Variants in HAUS6 observed in about 807,000 individuals in gnomAD.
HAUS6 encodes the protein HAUS augmin like complex subunit 6, also known as HAUS augmin-like complex subunit 6.
A neutral mutation model predicts 106.8 loss-of-function variants in HAUS6; 80 were observed. That is an observed-to-expected ratio of 0.75 (90% confidence interval 0.63 to 0.90). The LOEUF is 0.90. Among genes scored for constraint, HAUS6 ranks in the 40% least tolerant of loss-of-function variants. The pLI is 0.00. For missense variants in HAUS6, 1,155 were observed against 1,118.1 expected, an observed-to-expected ratio of 1.03 and a Z score of -0.47; for synonymous variants, 356 against 379.1, an observed-to-expected ratio of 0.94 and a Z score of 0.71.
rs1419610932 is a variant in HAUS6 at position 19,053,991 on chromosome 9, A to C, written c.*2352T>G. ...AAATCAATTCGTGGGATATTAAATG[A>C]ATAAAAAGATAAACCATAGGAGATT... is the stretch of plus-strand genomic sequence containing the variant. On this transcript the variant is annotated 3_prime_UTR_variant, in exon 17 of 17. Transcript: ENST00000380502. 2.0e-5 allele frequency: 3 copies of C among 152,192 alleles called. No homozygotes were observed. Among genetic ancestry groups the C allele is most frequent in the African/African-American group, 7.2e-5 (3 of 41,450 alleles). 9.4% of individuals were successfully genotyped at this position (152,192 alleles called of 1,614,324 possible).
At chr9:19,070,607 C>T (rs1198076897) in intron 11 of HAUS6, among the ~76,000 whole-genome samples, 1 of 152,130 alleles carries the variant, frequency 6.6e-6, no homozygotes, top group Non-Finnish European at 1.5e-5. Flanking sequence ...ATGAGATTAT[C>T]ACAAAAGCCA....
At chr9:19,067,913 C>T (rs1369848926) in intron 12 of HAUS6, among the ~76,000 whole-genome samples, 2 of 151,854 alleles carry the variant, frequency 1.3e-5, no homozygotes, top group Non-Finnish European at 2.9e-5. Flanking sequence ...AGGCTAGTCT[C>T]GAACTCCTGA....
At chr9:19,063,990 G>A (rs1400454704) in intron 12 of HAUS6, among the ~76,000 whole-genome samples, 11 of 144,116 alleles carry the variant, frequency 7.6e-5, no homozygotes, top group Non-Finnish European at 1.1e-4. Context: ...TTTTTGAGAC[G>A]GAGTTTCGCT....
intron 7 of HAUS6, among the ~76,000 whole-genome samples, chr9:19,083,672 G>A (rs1564016499): frequency 6.6e-6 from 1 of 151,678 alleles, no homozygotes; most frequent in African/African-American, 2.4e-5. Flanking sequence ...CGTGGTGGCA[G>A]GTGCCTGTAA....
intron 11 of HAUS6, among the ~76,000 whole-genome samples, chr9:19,076,142 T>G (rs1401905845): frequency 6.6e-6 from 1 of 151,648 alleles, no homozygotes; most frequent in Non-Finnish European, 1.5e-5. Context: ...GGTCAATCAT[T>G]TGAGCCCAGG....
chr9:19,099,724 T>C (rs1250156557), intron 1 of HAUS6, among the ~76,000 whole-genome samples: 2 of 152,134 alleles, frequency 1.3e-5, no homozygotes, highest in East Asian at 3.9e-4. Flanking sequence ...GCCTTCTGAG[T>C]AGCTGGATTT....
At position 19,055,528 on chromosome 9, in the gene HAUS6, A is replaced by G. The variant is rs139528764; in HGVS notation, c.*815T>C. 4.8e-3 allele frequency: 728 copies of G among 152,356 alleles called. 3 individuals carry two copies. Among genetic ancestry groups the G allele is most frequent in the African/African-American group, 0.017 (702 of 41,582 alleles). 9.4% of individuals were successfully genotyped at this position (152,356 alleles called of 1,614,324 possible). On this transcript the variant is annotated 3_prime_UTR_variant, in exon 17 of 17. Coordinates refer to ENST00000380502, the MANE Select transcript of HAUS6 (RefSeq NM_017645.5). Reference sequence around the variant, plus strand: ...TACCTCACAAAAAAACCCAACAACAAAACAGACTAATGAAAATTTTAATTT... The same window carrying G: ...TACCTCACAAAAAAACCCAACAACAGAACAGACTAATGAAAATTTTAATTT...
At position 19,058,539 on chromosome 9, in the gene HAUS6, C is replaced by G. The variant is rs753278112; in HGVS notation, c.2228G>C (p.Cys743Ser). ...AGTTTTATTTGTGGAAGGTTTGTTA[C>G]AAGAAACTTCTAAGTGGTCCAATAT... ...MKILDHLEVSCNKPSTNKTML... is the reference protein window; with the variant it reads ...MKILDHLEVSSNKPSTNKTML... Residue 743 changes from cysteine (C) to serine (S), a missense_variant, in exon 16 of 17, where the codon TGT becomes TCT. By Grantham distance (112) the Cys-to-Ser change is moderately radical. Coordinates refer to ENST00000380502, the MANE Select transcript of HAUS6 (RefSeq NM_017645.5). 7 of 1,582,394 alleles carry G rather than the reference C, an allele frequency of 4.4e-6. No individual in the cohort carries two copies. In the African/African-American group the frequency reaches 9.6e-5, roughly 22 times the overall value.
intron 10 of HAUS6, among the ~76,000 whole-genome samples, chr9:19,077,618 G>C (rs1837040129): frequency 6.6e-6 from 1 of 152,030 alleles, no homozygotes; most frequent in Admixed American, 6.6e-5. Context: ...GCAACTTATG[G>C]ATATTATATT....
In HAUS6 at chr9:19,078,091, C is replaced by T. The variant is rs1332215354; in HGVS notation, c.1191+85G>A. 4.6e-6 allele frequency: 5 copies of T among 1,089,962 alleles called. No individual in the cohort carries two copies. In the African/African-American group the frequency reaches 7.9e-5, roughly 17 times the overall value. The allele number at this position is 1,089,962 out of a possible 1,614,324, so 67.5% of individuals were successfully genotyped here. A position where few individuals can be genotyped will look rare whatever the true frequency, so the allele number is the denominator to read the frequency against. On this transcript the variant is annotated intron_variant, in intron 10 of 16. Coordinates refer to ENST00000380502, the MANE Select transcript of HAUS6 (RefSeq NM_017645.5). ...CTATGATCGTGCCACTCTACTCCAG[C>T]CTGGGCAACAGAGCAAGACACTGTC...
intron 13 of HAUS6, 25 bp downstream of exon 13, chr9:19,063,489 A>T: frequency 8.5e-7 from 1 of 1,181,746 alleles, no homozygotes; most frequent in Non-Finnish European, 1.2e-6. Context: ...GTCCAGAATT[A>T]ATTGAGACTT....
intron 15 of HAUS6, among the ~76,000 whole-genome samples, chr9:19,059,717 G>A (rs1836566558): frequency 6.6e-6 from 1 of 152,170 alleles, no homozygotes; most frequent in Non-Finnish European, 1.5e-5. Flanking sequence ...TATGGCTGAT[G>A]CTTCTGGTTG....
chr9:19,076,490 A>G (rs1262489746), intron 11 of HAUS6, 112 bp downstream of exon 11: 2 of 683,552 alleles, frequency 2.9e-6, no homozygotes, highest in Non-Finnish European at 5.2e-6. Flanking sequence ...GCATTTCACC[A>G]CAATAAAAAA....
rs1836396008 is a variant in HAUS6, at chr9:19,053,283, T to C, written c.*3060A>G. On this transcript the variant is annotated 3_prime_UTR_variant, in exon 17 of 17. Transcript: ENST00000380502. ...AAAAAGGTGATCTCTAGAGCAACTA[T>C]GTATCTGCAACATAAAAGAAACATT... The C allele has an allele frequency of 6.6e-6, 1 of 152,202 alleles. No homozygotes were observed. The highest frequency in any genetic ancestry group is 6.5e-5 in the Admixed American group (1 of 15,282). The allele number at this position is 152,202 out of a possible 1,614,324, so 9.4% of individuals were successfully genotyped here.
chr9:19,058,735 G>C lies in HAUS6; in HGVS notation c.2032C>G (p.Pro678Ala). 1 of 1,614,068 alleles carries C rather than the reference G, an allele frequency of 6.2e-7. No individual in the cohort carries two copies. The highest frequency in any genetic ancestry group is 1.1e-5 in the South Asian group (1 of 91,076). ...AAATCTGACTGATTTTGTGTTGGTG[G>C]TTCATCTATGTGACTGGTCAGCACA... is the stretch of plus-strand genomic sequence containing the variant. ...KHVLTSHIDEPPTQNQSDLLN... is the reference protein window; with the variant it reads ...KHVLTSHIDEAPTQNQSDLLN... Residue 678 changes from proline (P) to alanine (A), a missense_variant, in exon 16 of 17, where the codon CCA becomes GCA. Coordinates refer to ENST00000380502, the MANE Select transcript of HAUS6 (RefSeq NM_017645.5).
chr9:19,059,556 C>G (rs532814075), intron 15 of HAUS6, among the ~76,000 whole-genome samples: 1 of 152,316 alleles, frequency 6.6e-6, no homozygotes, highest in African/African-American at 2.4e-5. Flanking sequence ...AGCAGCAAAA[C>G]AGAAATTATT....
rs372663494 is a variant in HAUS6, at chr9:19,058,743, A to G, written c.2024T>C (p.Ile675Thr). Residue 675 changes from isoleucine to threonine, a missense_variant, in exon 16 of 17, where the codon ATA (isoleucine) becomes ACA (threonine). Around this residue, in one of 3 missense-constraint regions of HAUS6, gnomAD observed 380 missense variants for 394.8 expected, o/e 0.96. Coordinates refer to ENST00000380502, the MANE Select transcript of HAUS6 (RefSeq NM_017645.5). ...VPQKHVLTSHIDEPPTQNQSD... is the reference protein window; with the variant it reads ...VPQKHVLTSHTDEPPTQNQSD... ...CTGATTTTGTGTTGGTGGTTCATCTATGTGACTGGTCAGCACATGTTTCTG... is the reference window on the plus strand; with the variant it reads ...CTGATTTTGTGTTGGTGGTTCATCTGTGTGACTGGTCAGCACATGTTTCTG... 5 of 1,614,188 alleles carry G rather than the reference A, an allele frequency of 3.1e-6. No individual in the cohort carries two copies. The highest frequency in any genetic ancestry group is 4.2e-6 in the Non-Finnish European group (5 of 1,180,022).
intron 2 of HAUS6, 33 bp downstream of exon 2, chr9:19,096,629 CAAATTTGGAAAG>C (rs777167683): frequency 2.9e-6 from 2 of 698,574 alleles, no homozygotes; most frequent in Non-Finnish European, 4.7e-6. Context: ...TGTCCATTTT[CAAATTTGGAAAG>C]AAATTTAAGA....
intron 3 of HAUS6, among the ~76,000 whole-genome samples, chr9:19,093,970 G>A (rs1817808539): frequency 1.3e-5 from 2 of 152,106 alleles, no homozygotes; most frequent in South Asian, 2.1e-4. Context: ...ACGTGGACCT[G>A]GTCAGAAAAA....
Sources: allele counts gnomAD v4.1 joint callset (sites outside exome capture counted in the v4.1 genomes callset), GRCh38; gene constraint gnomAD v4.1.1; regional missense constraint gnomAD v4.1.1; transcripts MANE v1.5; gene names NCBI Gene and HGNC (gene_info 2026-07-23, HGNC 2026-07-21).